BTBD10: variants seen among roughly 807,000 people sequenced by gnomAD.
BTBD10 encodes BTB/POZ domain-containing protein 10.
A neutral mutation model predicts 53.2 loss-of-function variants in BTBD10; 21 were observed. The observed-to-expected ratio is 0.39, with a 90% CI of 0.28 to 0.57. The LOEUF (loss-of-function observed/expected upper bound fraction) is 0.57. Ranked by LOEUF, BTBD10 falls within the 20% of genes least tolerant of loss-of-function variation. The pLI is 0.53. For synonymous variants in BTBD10, 149 were observed against 192.7 expected, an observed-to-expected ratio of 0.77 and a Z score of 1.88; for missense variants, 360 against 594.7, an observed-to-expected ratio of 0.61 and a Z score of 4.10.
chr11:13,453,004 T>C (rs570326426), intron 1 of BTBD10, among the ~76,000 whole-genome samples: 6 of 152,250 alleles, frequency 3.9e-5, no homozygotes, highest in African/African-American at 1.2e-4. Flanking sequence ...ATGGTATAAC[T>C]ACACTAATAC....
intron 1 of BTBD10, among the ~76,000 whole-genome samples, chr11:13,448,552 T>A (rs1184039677): frequency 1.3e-5 from 2 of 152,204 alleles, no homozygotes; most frequent in Non-Finnish European, 2.9e-5. Flanking sequence ...AACTTTGAAG[T>A]CATCCTTGAC....
intron 2 of BTBD10, among the ~76,000 whole-genome samples, chr11:13,435,901 TC>T (rs1164838497): frequency 6.6e-6 from 1 of 152,170 alleles, no homozygotes; most frequent in Non-Finnish European, 1.5e-5. Context: ...TGCCTTTTAT[TC>T]AATCCTAAGT....
At chr11:13,451,103 A>T (rs903098287) in intron 1 of BTBD10, among the ~76,000 whole-genome samples, 1 of 152,194 alleles carries the variant, frequency 6.6e-6, no homozygotes, top group Non-Finnish European at 1.5e-5. Context: ...AGAAAAGTGC[A>T]GGCCCAAAAT....
intron 8 of BTBD10, among the ~76,000 whole-genome samples, chr11:13,394,102 T>C (rs946836252): frequency 1.3e-5 from 2 of 152,230 alleles, no homozygotes; most frequent in African/African-American, 4.8e-5. Context: ...TTTTAGGTAA[T>C]GATTAGCGGG....
At chr11:13,412,455 A>AAAC (rs199920209) in intron 6 of BTBD10, among the ~76,000 whole-genome samples, 2,500 of 152,034 alleles carry the variant, frequency 0.016, 61 homozygotes, top group African/African-American at 0.056. Context: ...TCCATCTCAA[A>AAAC]AACAACAACA....
chr11:13,443,212 C>T (rs1591162974), intron 2 of BTBD10, among the ~76,000 whole-genome samples: 1 of 150,472 alleles, frequency 6.6e-6, no homozygotes, highest in African/African-American at 2.4e-5. Flanking sequence ...TGAGATGGTG[C>T]CACTGCGCTC....
At chr11:13,399,019 T>A (rs1252814558) in intron 8 of BTBD10, among the ~76,000 whole-genome samples, 2 of 152,204 alleles carry the variant, frequency 1.3e-5, no homozygotes, top group African/African-American at 4.8e-5. Flanking sequence ...CAATTACGTG[T>A]CTTGGAGTTA....
rs1311632358 is a variant in BTBD10 at position 13,388,600 on chromosome 11, C to T, written c.*231G>A. On this transcript the variant is annotated 3_prime_UTR_variant, in exon 9 of 9. Transcript: ENST00000278174. ...CCATACAAAGAACCAATTTCACAAA[C>T]CTACTGGTAAACAAATACATTTACA... 6.7e-6 allele frequency: 3 copies of T among 444,504 alleles called. No homozygotes were observed. The East Asian group carries it at 1.1e-4, about 16-fold the overall frequency. The allele number at this position is 444,504 out of a possible 1,614,324, so 27.5% of individuals were successfully genotyped here. A position where few individuals can be genotyped will look rare whatever the true frequency, so the allele number is the denominator to read the frequency against.
chr11:13,443,649 C>T (rs943725119), intron 2 of BTBD10, among the ~76,000 whole-genome samples: 2 of 151,798 alleles, frequency 1.3e-5, no homozygotes, highest in Non-Finnish European at 2.9e-5. Flanking sequence ...GGCTGGAATG[C>T]AGTGGCCTAC....
At chr11:13,395,857 G>A (rs1438421515) in intron 8 of BTBD10, among the ~76,000 whole-genome samples, 2 of 152,114 alleles carry the variant, frequency 1.3e-5, no homozygotes, top group Non-Finnish European at 2.9e-5. Context: ...GTAGATATGC[G>A]GCGTTATTTC....
intron 2 of BTBD10, among the ~76,000 whole-genome samples, chr11:13,439,359 A>G (rs557221017): frequency 1.4e-4 from 21 of 152,240 alleles, no homozygotes; most frequent in African/African-American, 3.6e-4. Context: ...TAGATCATCT[A>G]TTCAGTTTCT....
At chr11:13,461,907 C>A (rs968392908) in intron 1 of BTBD10, among the ~76,000 whole-genome samples, 15 of 150,782 alleles carry the variant, frequency 9.9e-5, no homozygotes, top group Non-Finnish European at 2.1e-4. Flanking sequence ...ACATTTACAT[C>A]ATCAGAAATA....
chr11:13,389,964 C>G (rs947152203), intron 8 of BTBD10, among the ~76,000 whole-genome samples: 1 of 152,120 alleles, frequency 6.6e-6, no homozygotes, highest in East Asian at 1.9e-4. Context: ...CATTACTACT[C>G]CCAACAACCA....
intron 2 of BTBD10, among the ~76,000 whole-genome samples, chr11:13,439,642 C>T (rs1252937520): frequency 1.3e-5 from 2 of 151,942 alleles, no homozygotes; most frequent in Non-Finnish European, 2.9e-5. Context: ...AAACACAATG[C>T]ATTCTCAAGT....
chr11:13,416,999 T>C (rs373701627), intron 5 of BTBD10, among the ~76,000 whole-genome samples, 159 bp downstream of exon 5: 8 of 151,892 alleles, frequency 5.3e-5, no homozygotes, highest in African/African-American at 1.9e-4. Flanking sequence ...AAAATAAAAA[T>C]ATAAACAAAA....
At chr11:13,394,538 T>C (rs529525776) in intron 8 of BTBD10, among the ~76,000 whole-genome samples, 1 of 152,166 alleles carries the variant, frequency 6.6e-6, no homozygotes, top group Non-Finnish European at 1.5e-5. Context: ...TTCAGGTAGT[T>C]CTTTTTATTT....
chr11:13,411,336 G>A (rs1949938845), intron 6 of BTBD10, among the ~76,000 whole-genome samples: 1 of 152,096 alleles, frequency 6.6e-6, no homozygotes, highest in Non-Finnish European at 1.5e-5. Flanking sequence ...AGATATTTTA[G>A]TGCAAAGTGC....
intron 1 of BTBD10, among the ~76,000 whole-genome samples, chr11:13,459,058 A>ATTTTTTTT (rs199960942): frequency 1.5e-5 from 2 of 135,318 alleles, no homozygotes; most frequent in African/African-American, 2.7e-5. Context: ...TTATTTATTT[A>ATTTTTTTT]TTTTTTTTTT....
intron 7 of BTBD10, among the ~76,000 whole-genome samples, chr11:13,404,117 G>A (rs193040843): frequency 1.8e-4 from 27 of 152,088 alleles, no homozygotes; most frequent in Admixed American, 1.6e-3. Context: ...CTACTCATGG[G>A]GTAAATTTGT....
Sources: allele counts gnomAD v4.1 joint callset (sites outside exome capture counted in the v4.1 genomes callset), GRCh38; gene constraint gnomAD v4.1.1; transcripts MANE v1.5; gene names NCBI Gene and HGNC (gene_info 2026-07-23, HGNC 2026-07-21).